Variants in FAM135B observed in about 807,000 individuals in gnomAD.
FAM135B encodes the protein protein FAM135B.
FAM135B carries 43 observed loss-of-function variants against 127.7 expected under a neutral mutation model. The observed-to-expected ratio is 0.34, with a 90% CI of 0.26 to 0.43. The LOEUF (loss-of-function observed/expected upper bound fraction) is 0.43, where lower values mean the gene tolerates loss of function less well. Ranked by LOEUF, FAM135B falls within the 20% of genes least tolerant of loss-of-function variation. The probability of loss-of-function intolerance (pLI) is 1.00; values close to 1 mark genes in which losing one functional copy is unlikely to be tolerated. For missense variants in FAM135B, 1,558 were observed against 1,725.6 expected (o/e 0.90, Z 1.72); for synonymous variants, 670 against 665.1 (o/e 1.01, Z -0.11).
intron 1 of FAM135B, chr8:138,439,242 T>C (rs1000308860): frequency 6.6e-6 from 1 of 152,216 alleles, no homozygotes; most frequent in Non-Finnish European, 1.5e-5. Context: ...AGAACCTGCA[T>C]GTAAATTACC....
rs78510812 is a variant in FAM135B at position 138,382,290 on chromosome 8, G to A, written c.-19-14288C>T. Among the ~76,000 whole-genome samples the A allele has an allele frequency of 7.2e-3, 1,104 of 152,298 alleles. 14 individuals carry two copies. Among genetic ancestry groups the A allele is most frequent in the Admixed American group, 0.036 (557 of 15,300 alleles). On this transcript the variant is annotated intron_variant, in intron 1 of 19. Transcript: ENST00000395297. ...CAATGGTTTCTAAAATTTCTCGGGA[G>A]CCAGAGGAACTAGGGTAATCCGTCT...
At chr8:138,436,610 C>T (rs760856037) in intron 1 of FAM135B, among the ~76,000 whole-genome samples, 19 of 152,248 alleles carry the variant, frequency 1.2e-4, no homozygotes, top group Non-Finnish European at 2.5e-4. Context: ...CATGTGTTCA[C>T]GTTGAACAGA....
intron 1 of FAM135B, among the ~76,000 whole-genome samples, chr8:138,432,172 C>G (rs1263111693): frequency 2.0e-5 from 3 of 152,182 alleles, no homozygotes; most frequent in African/African-American, 2.4e-5. Flanking sequence ...TGGACCCCAA[C>G]AGTGTCTGAT....
At chr8:138,156,246 C>A (rs1262040657) in intron 12 of FAM135B, among the ~76,000 whole-genome samples, 3 of 152,032 alleles carry the variant, frequency 2.0e-5, no homozygotes, top group Non-Finnish European at 2.9e-5. Flanking sequence ...CTTTGAAACC[C>A]ATGAGAACAA....
At chr8:138,213,383 A>G (rs945182708) in intron 7 of FAM135B, among the ~76,000 whole-genome samples, 1 of 152,210 alleles carries the variant, frequency 6.6e-6, no homozygotes, top group Non-Finnish European at 1.5e-5. Context: ...TTATAATGCC[A>G]ACAGCATGTC....
intron 1 of FAM135B, among the ~76,000 whole-genome samples, chr8:138,428,486 T>C (rs1170781402): frequency 6.6e-6 from 1 of 152,120 alleles, no homozygotes; most frequent in African/African-American, 2.4e-5. Context: ...CCTAGGCCAT[T>C]GTCTCATTGT....
chr8:138,340,214 G>A (rs1828946556), intron 2 of FAM135B, among the ~76,000 whole-genome samples: 2 of 152,122 alleles, frequency 1.3e-5, no homozygotes, highest in Admixed American at 1.3e-4. Context: ...CATAATTCAT[G>A]TTCCCCACTG....
At chr8:138,285,668 C>A (rs535727815) in intron 3 of FAM135B, among the ~76,000 whole-genome samples, 1 of 152,286 alleles carries the variant, frequency 6.6e-6, no homozygotes, top group African/African-American at 2.4e-5. Context: ...TTTCAGAGAG[C>A]TGAGCAAAGT....
intron 12 of FAM135B, among the ~76,000 whole-genome samples, chr8:138,157,652 AACAG>A (rs1465784351): frequency 6.6e-6 from 1 of 152,226 alleles, no homozygotes; most frequent in African/African-American, 2.4e-5. Flanking sequence ...ACACACCAAT[AACAG>A]ACAAACAGAG....
intron 19 of FAM135B, among the ~76,000 whole-genome samples, chr8:138,136,459 A>G (rs1051404878): frequency 6.6e-6 from 1 of 152,212 alleles, no homozygotes; most frequent in East Asian, 1.9e-4. Context: ...GATTTTGATA[A>G]TGGTACAATG....
At chr8:138,371,471 C>T (rs1212519001) in intron 1 of FAM135B, among the ~76,000 whole-genome samples, 1 of 152,100 alleles carries the variant, frequency 6.6e-6, no homozygotes, top group East Asian at 1.9e-4. Flanking sequence ...AAAAGACTGT[C>T]CAGGAAAGTC....
intron 1 of FAM135B, among the ~76,000 whole-genome samples, chr8:138,423,052 G>A (rs1834612128): frequency 6.6e-6 from 1 of 152,152 alleles, no homozygotes; most frequent in Admixed American, 6.5e-5. Context: ...ACTTATAAGT[G>A]GGAGTTAAAC....
chr8:138,158,797 T>C lies in FAM135B; in HGVS notation c.1259-5581A>G, dbSNP rs1230167182. Among the ~76,000 whole-genome samples, 3 of 152,220 alleles carry C rather than the reference T, an allele frequency of 2.0e-5. No individual in the cohort carries two copies. The East Asian group carries it at 5.8e-4, about 29-fold the overall frequency. On this transcript the variant is annotated intron_variant, in intron 12 of 19. Transcript: ENST00000395297. ...CATTAAAACGTCAGGAAACAACAGGTGCTGGAGAGGATGTGGAGAAATAGG... is the reference window on the plus strand; with the variant it reads ...CATTAAAACGTCAGGAAACAACAGGCGCTGGAGAGGATGTGGAGAAATAGG...
intron 13 of FAM135B, among the ~76,000 whole-genome samples, chr8:138,149,044 G>A (rs1250557295): frequency 1.3e-5 from 2 of 151,060 alleles, no homozygotes; most frequent in Non-Finnish European, 2.9e-5. Flanking sequence ...ACGAGTTAAT[G>A]GGTGCAGCAC....
chr8:138,335,975 T>C (rs1249398277), intron 2 of FAM135B, among the ~76,000 whole-genome samples: 2 of 152,026 alleles, frequency 1.3e-5, no homozygotes, highest in African/African-American at 2.4e-5. Flanking sequence ...CTCAACTACA[T>C]GGAAACTGAA....
At chr8:138,330,131 C>T (rs1215637877) in intron 2 of FAM135B, among the ~76,000 whole-genome samples, 1 of 152,140 alleles carries the variant, frequency 6.6e-6, no homozygotes, top group Non-Finnish European at 1.5e-5. Context: ...GACGATAATG[C>T]CCAGGCGGCT....
At chr8:138,416,558 T>G (rs1487475318) in intron 1 of FAM135B, among the ~76,000 whole-genome samples, 1 of 152,228 alleles carries the variant, frequency 6.6e-6, no homozygotes, top group Non-Finnish European at 1.5e-5. Context: ...GTCAGATTTA[T>G]GTCTTGCTCA....
At chr8:138,248,539 G>A (rs1821456449) in intron 6 of FAM135B, among the ~76,000 whole-genome samples, 1 of 152,102 alleles carries the variant, frequency 6.6e-6, no homozygotes, top group Non-Finnish European at 1.5e-5. Context: ...AAAAATTTCG[G>A]CTGGGTGCAG....
chr8:138,283,341 G>A (rs902842889), intron 3 of FAM135B, among the ~76,000 whole-genome samples: 5 of 151,776 alleles, frequency 3.3e-5, no homozygotes, highest in African/African-American at 1.2e-4. Context: ...ATTACTAATT[G>A]AAATAAGTCA....
Sources: gnomAD v4.1 joint callset for allele counts (sites outside exome capture counted in the v4.1 genomes callset) on GRCh38, gnomAD v4.1.1 for gene constraint, MANE v1.5 for transcripts, NCBI Gene and HGNC (gene_info 2026-07-23, HGNC 2026-07-21) for gene names.